Variants in ZNF430 observed in about 807,000 individuals in gnomAD.
ZNF430 encodes zinc finger protein 430.
Under a neutral mutation model 56.7 loss-of-function variants are expected in ZNF430, and 35 were observed. The ratio of observed to expected loss-of-function variants is 0.62; its 90% CI spans 0.47 to 0.82. ZNF430 has a LOEUF of 0.82. ZNF430 is among the 40% of genes least tolerant of loss of function. The pLI is 0.00. For missense variants in ZNF430, 574 were observed against 661.0 expected, an observed-to-expected ratio of 0.87 and a Z score of 1.44; for synonymous variants, 212 against 224.3, an observed-to-expected ratio of 0.94 and a Z score of 0.49.
At position 21,034,134 on chromosome 19, in the gene ZNF430, G is replaced by GA; in HGVS notation, c.276dup (p.Glu93ArgfsTer49). ...GACCTGATCACCTGTCTAGAGCAAG[G>GA]AAAAGAGCCCTGGAATATGAAGAGA... is the stretch of plus-strand genomic sequence containing the variant. On this transcript the variant is annotated frameshift_variant, in exon 4 of 5. Transcript: ENST00000261560. LOFTEE classifies it high-confidence loss of function. 1 of 1,613,260 alleles carries GA rather than the reference G, an allele frequency of 6.2e-7. No individual in the cohort carries two copies.
Position 21,057,346 on chromosome 19 carries a change from A to G in ZNF430, c.1038A>G (p.Lys346=). ...TTCATACTGGAGAGAAACCCTACAAATGTGAAGAATGTGGCAAAGCTTTTA... is the reference window on the plus strand; with the variant it reads ...TTCATACTGGAGAGAAACCCTACAAGTGTGAAGAATGTGGCAAAGCTTTTA... ...KIIHTGEKPY[K]CEECGKAFNQ... Residue 346 remains lysine, a synonymous_variant, in exon 5 of 5, where the codon AAA becomes AAG. Coordinates refer to ENST00000261560, the MANE Select transcript of ZNF430 (RefSeq NM_025189.4). 1 of 1,613,510 alleles carries G rather than the reference A, an allele frequency of 6.2e-7. No individual in the cohort carries two copies. Among genetic ancestry groups the G allele is most frequent in the Non-Finnish European group, 8.5e-7 (1 of 1,179,988 alleles).
chr19:21,033,378 C>T, intron 2 of ZNF430, 78 bp from the exon 3 acceptor site: 6 of 1,502,164 alleles, frequency 4.0e-6, no homozygotes, highest in Non-Finnish European at 4.5e-6. Flanking sequence ...TCTGTCATTT[C>T]ACTTTAATTC....
At chr19:21,042,616 G>A (rs750435311) in intron 4 of ZNF430, among the ~76,000 whole-genome samples, 9 of 151,946 alleles carry the variant, frequency 5.9e-5, no homozygotes, top group Non-Finnish European at 8.8e-5. Context: ...GTGAAACCCC[G>A]TCCCTGCTAA....
At chr19:21,055,410 G>T (rs1370335017) in intron 4 of ZNF430, among the ~76,000 whole-genome samples, 2 of 151,654 alleles carry the variant, frequency 1.3e-5, no homozygotes, top group African/African-American at 4.8e-5. Context: ...TTAATTAAAA[G>T]AGTTTGTGTT....
rs146663763 is a variant in ZNF430 at position 21,037,418 on chromosome 19, G to C, written c.322+3234G>C. Among the ~76,000 whole-genome samples the C allele has an allele frequency of 2.9e-4, 44 of 152,170 alleles. No individual in the cohort carries two copies. The East Asian group carries it at 5.6e-3, about 19-fold the overall frequency. ...CAGGTGTGAGTCACACGCTTGGCAA[G>C]ATTTTGTTTTTTAAGACTGAATAAT... On this transcript the variant is annotated intron_variant, in intron 4 of 4. Coordinates refer to ENST00000261560, the MANE Select transcript of ZNF430 (RefSeq NM_025189.4).
intron 4 of ZNF430, among the ~76,000 whole-genome samples, chr19:21,048,247 G>A (rs1245396359): frequency 7.9e-6 from 1 of 126,516 alleles, no homozygotes; most frequent in Non-Finnish European, 1.6e-5. Context: ...GATTTGGCAG[G>A]GTCATAGGAC....
intron 2 of ZNF430, among the ~76,000 whole-genome samples, chr19:21,028,186 A>G (rs2144753961): frequency 6.6e-6 from 1 of 152,340 alleles, no homozygotes; most frequent in Admixed American, 6.5e-5. Context: ...AGTTGTCAAC[A>G]TAGACATCTT....
chr19:21,035,450 AATCAT>A (rs1157292112), intron 4 of ZNF430: 71 of 154,580 alleles, frequency 4.6e-4, no homozygotes, highest in Non-Finnish European at 1.3e-4. Flanking sequence ...TTATATATAA[AATCAT>A]ATGATCCACA....
chr19:21,033,488 A>G lies in ZNF430; in HGVS notation c.129A>G (p.Glu43=), dbSNP rs1568585879. Residue 43 remains glutamate (E), a synonymous_variant, in exon 3 of 5, where the codon GAA becomes GAG. Transcript: ENST00000261560. The stretch of plus-strand genomic sequence containing the variant: ...TGACATTTAGGGATGTGGCCATAGA[A>G]TTTTCTCTGGAGGAGTGGCAATGCC... ...GPLTFRDVAI[E]FSLEEWQCLD... is the part of the protein sequence containing the mutation. The G allele has an allele frequency of 6.2e-7, 1 of 1,611,480 alleles. No homozygotes were observed. Among genetic ancestry groups the G allele is most frequent in the South Asian group, 1.1e-5 (1 of 90,994 alleles).
intron 4 of ZNF430, among the ~76,000 whole-genome samples, chr19:21,044,051 A>G (rs555297496): frequency 6.7e-6 from 1 of 149,694 alleles, no homozygotes; most frequent in Non-Finnish European, 1.5e-5. Context: ...AGACAGTTTG[A>G]CTTCCTATTT....
At chr19:21,025,096 G>A (rs778194436) in intron 2 of ZNF430, among the ~76,000 whole-genome samples, 2 of 152,158 alleles carry the variant, frequency 1.3e-5, no homozygotes, top group Non-Finnish European at 2.9e-5. Context: ...TTCAGGGTGA[G>A]TCTACAGAGT....
intron 4 of ZNF430, among the ~76,000 whole-genome samples, chr19:21,048,758 G>T (rs1465478764): frequency 6.6e-6 from 1 of 152,124 alleles, no homozygotes; most frequent in African/African-American, 2.4e-5. Context: ...AGAAGGGGCG[G>T]CCGGGCAGAG....
At chr19:21,031,496 A>G (rs111233301) in intron 2 of ZNF430, among the ~76,000 whole-genome samples, 41 of 152,148 alleles carry the variant, frequency 2.7e-4, no homozygotes, top group African/African-American at 9.9e-4. Context: ...AGGGCACCTA[A>G]GGACAGGAAA....
chr19:21,037,229 C>T (rs1968017505), intron 4 of ZNF430, among the ~76,000 whole-genome samples: 1 of 151,866 alleles, frequency 6.6e-6, no homozygotes, highest in African/African-American at 2.4e-5. Flanking sequence ...ATTCTCCTGC[C>T]TCAGCCTCCC....
At chr19:21,050,228 C>G (rs1599505919) in intron 4 of ZNF430, among the ~76,000 whole-genome samples, 2 of 152,168 alleles carry the variant, frequency 1.3e-5, no homozygotes, top group Middle Eastern at 6.8e-3. Flanking sequence ...TATTGATGGA[C>G]TTGATGGTGT....
At chr19:21,052,458 C>A (rs769499128) in intron 4 of ZNF430, among the ~76,000 whole-genome samples, 3 of 151,782 alleles carry the variant, frequency 2.0e-5, no homozygotes, top group Non-Finnish European at 4.4e-5. Context: ...GTGTTTTTTC[C>A]ATTCTTTCAA....
intron 4 of ZNF430, among the ~76,000 whole-genome samples, chr19:21,055,434 GT>G (rs1046406965): frequency 3.4e-4 from 48 of 142,934 alleles, no homozygotes; most frequent in South Asian, 6.6e-4. Flanking sequence ...TCTTTTTTTA[GT>G]TTTTTTTTTT....
In ZNF430 at chr19:21,057,718, A is replaced by T; in HGVS notation, c.1410A>T (p.Pro470=). 1 of 1,605,482 alleles carries T rather than the reference A, an allele frequency of 6.2e-7. No homozygotes were observed. The highest frequency in any genetic ancestry group is 8.5e-7 in the Non-Finnish European group (1 of 1,175,858). ...EECGKAFNRS[P]KLTAHKVIHS... is the part of the protein sequence containing the mutation. ...GTGGCAAAGCCTTTAACCGGTCCCC[A>T]AAACTTACTGCACATAAGGTAATTC... Residue 470 remains proline, a synonymous_variant, in exon 5 of 5, where the codon CCA becomes CCT. Transcript: ENST00000261560.
chr19:21,050,105 C>T (rs376213319), intron 4 of ZNF430, among the ~76,000 whole-genome samples: 2 of 151,978 alleles, frequency 1.3e-5, no homozygotes, highest in South Asian at 2.1e-4. Context: ...AGGACGGTCT[C>T]GATCTCCTGA....
Sources: allele counts gnomAD v4.1 joint callset (sites outside exome capture counted in the v4.1 genomes callset), GRCh38; gene constraint gnomAD v4.1.1; transcripts MANE v1.5; gene names NCBI Gene and HGNC (gene_info 2026-07-23, HGNC 2026-07-21).